Variants in SV2B observed in about 807,000 individuals in gnomAD.
The protein encoded by SV2B is synaptic vesicle glycoprotein 2B, also known as solute carrier family 22 member B2.
Under a neutral mutation model 73.9 loss-of-function variants are expected in SV2B, and 41 were observed. That is an observed-to-expected ratio of 0.56 (90% CI 0.43 to 0.72). The LOEUF (loss-of-function observed/expected upper bound fraction) is 0.72, where lower values mean the gene tolerates loss of function less well. Ranked by LOEUF, SV2B falls within the 30% of genes least tolerant of loss-of-function variation. SV2B has a pLI of 0.00. For missense variants in SV2B, 764 were observed against 857.8 expected (o/e 0.89, Z 1.37); for synonymous variants, 314 against 314.2 (o/e 1.00, Z 0.01).
intron 1 of SV2B, among the ~76,000 whole-genome samples, chr15:91,207,170 C>T (rs558292973): frequency 1.2e-4 from 18 of 150,828 alleles, no homozygotes; most frequent in South Asian, 4.2e-4. Context: ...TACAGGCACA[C>T]GCCATTATGC....
chr15:91,109,186 AGT>A (rs1426736232), intron 1 of SV2B, among the ~76,000 whole-genome samples: 1 of 152,236 alleles, frequency 6.6e-6, no homozygotes, highest in Non-Finnish European at 1.5e-5. Flanking sequence ...CCCTTGGAAA[AGT>A]GGATGCACAA....
chr15:91,186,048 T>C lies in SV2B; in HGVS notation c.-391-39825T>C, dbSNP rs1482348135. The stretch of plus-strand genomic sequence containing the variant: ...TTCATCACAACATACACGAGGATTC[T>C]TTATGGACTATTACACAATGGTATT... On this transcript the variant is annotated intron_variant, in intron 1 of 12. Transcript: ENST00000394232. Among the ~76,000 whole-genome samples the C allele has an allele frequency of 2.0e-5, 3 of 152,346 alleles. No homozygotes were observed. The East Asian group carries it at 5.8e-4, about 29-fold the overall frequency.
rs1423798733 is a variant in SV2B at position 91,258,927 on chromosome 15, A to G, written c.918+373A>G. Among the ~76,000 whole-genome samples, 1 of 148,928 alleles carries G rather than the reference A, an allele frequency of 6.7e-6. No homozygotes were observed. Among genetic ancestry groups the G allele is most frequent in the Non-Finnish European group, 1.5e-5 (1 of 67,480 alleles). ...CACAGGGAGACCTCATCTCTACAAA[A>G]AAAAAAAAAAAAAAATTAGTTGAGC... On this transcript the variant is annotated intron_variant, in intron 5 of 12. Coordinates refer to ENST00000394232, the MANE Select transcript of SV2B (RefSeq NM_001323032.3). This position sits in a 1 kb window ranked among gnomAD's most constrained non-coding sequence, Gnocchi z 4.7.
chr15:91,263,050 C>A (rs1274772112), intron 6 of SV2B, among the ~76,000 whole-genome samples: 2 of 152,104 alleles, frequency 1.3e-5, no homozygotes, highest in African/African-American at 2.4e-5. Context: ...CTACATCAAC[C>A]TGGCCTGAAA....
chr15:91,161,219 A>G (rs1005511842), intron 1 of SV2B, among the ~76,000 whole-genome samples: 2 of 152,202 alleles, frequency 1.3e-5, no homozygotes, highest in African/African-American at 4.8e-5. Context: ...AAACTGGTTT[A>G]TAGTGATGAT....
At chr15:91,163,463 G>C (rs1283708509) in intron 1 of SV2B, among the ~76,000 whole-genome samples, 2 of 152,158 alleles carry the variant, frequency 1.3e-5, no homozygotes, top group Admixed American at 1.3e-4. Context: ...ATTCTAACTG[G>C]TGTGAGATGG....
In SV2B at chr15:91,128,056, C is replaced by G. The variant is rs918959959; in HGVS notation, c.-392+27693C>G. On this transcript the variant is annotated intron_variant, in intron 1 of 12. Coordinates refer to ENST00000394232, the MANE Select transcript of SV2B (RefSeq NM_001323032.3). This position sits in a 1 kb window ranked among gnomAD's most constrained non-coding sequence, Gnocchi z 4.2. ...CACTGGAGAAAAAGAGAAAAATATA[C>G]CTGTGAAAGCTCTTATTATCATTGT... 6.6e-6 allele frequency among the ~76,000 whole-genome samples: 1 copy of G among 152,150 alleles called. No homozygotes were observed. Among genetic ancestry groups the G allele is most frequent in the Non-Finnish European group, 1.5e-5 (1 of 68,028 alleles).
At chr15:91,155,214 T>G (rs977894201) in intron 1 of SV2B, among the ~76,000 whole-genome samples, 2 of 151,982 alleles carry the variant, frequency 1.3e-5, no homozygotes, top group Admixed American at 6.6e-5. Flanking sequence ...AGGGCGTGGT[T>G]AAGGTAGGAG....
At position 91,175,718 on chromosome 15, in the gene SV2B, T is replaced by C. The variant is rs151136565; in HGVS notation, c.-391-50155T>C. On this transcript the variant is annotated intron_variant, in intron 1 of 12. Coordinates refer to ENST00000394232, the MANE Select transcript of SV2B (RefSeq NM_001323032.3). ...ATGTAAATACATATATATATATATA[T>C]ACATATATGTGACTATCTATTATAG... Among the ~76,000 whole-genome samples the C allele has an allele frequency of 3.6e-3, 522 of 145,012 alleles. 3 individuals carry two copies. The highest frequency in any genetic ancestry group is 0.012 in the African/African-American group (469 of 38,074).
At chr15:91,209,654 T>A (rs1458687222) in intron 1 of SV2B, among the ~76,000 whole-genome samples, 2 of 152,142 alleles carry the variant, frequency 1.3e-5, no homozygotes, top group Non-Finnish European at 1.5e-5. Context: ...GACAGCCAGG[T>A]AGAGACCTGG....
rs181151487 is a variant in SV2B, at chr15:91,262,528, C to T, written c.1008+2119C>T. On this transcript the variant is annotated intron_variant, in intron 6 of 12. Transcript: ENST00000394232. ...TTGTTATAGAGGTGAACGTGTGTCA[C>T]GGGGGTTTGTTGTACAGGTATTTTG... 7.2e-5 allele frequency among the ~76,000 whole-genome samples: 11 copies of T among 152,110 alleles called. 1 individual carries two copies. The highest frequency in any genetic ancestry group is 1.7e-4 in the African/African-American group (7 of 41,510).
At chr15:91,263,142 G>C (rs1004379797) in intron 6 of SV2B, among the ~76,000 whole-genome samples, 1 of 149,022 alleles carries the variant, frequency 6.7e-6, no homozygotes, top group Admixed American at 6.7e-5. Flanking sequence ...ACAGACACAG[G>C]GACACACGGA....
chr15:91,226,105 A>AG lies in SV2B; in HGVS notation c.-150dup, dbSNP rs530516419. 17,416 of 659,938 alleles carry AG rather than the reference A, an allele frequency of 0.026. 166 individuals carry two copies. The highest frequency in any genetic ancestry group is 0.028 in the Non-Finnish European group (11,196 of 399,706). 40.9% of individuals were successfully genotyped at this position (659,938 alleles called of 1,614,324 possible). ...CAAATCTGGTTGATTTGAGAGATAAAGGGGGGGGGAACCAGTGTGACTTTC... is the reference window on the plus strand; with the variant it reads ...CAAATCTGGTTGATTTGAGAGATAAAGGGGGGGGGGAACCAGTGTGACTTTC... On this transcript the variant is annotated 5_prime_UTR_variant, in exon 2 of 13. Coordinates refer to ENST00000394232, the MANE Select transcript of SV2B (RefSeq NM_001323032.3).
intron 1 of SV2B, among the ~76,000 whole-genome samples, chr15:91,196,560 G>A (rs2045252210): frequency 6.6e-6 from 1 of 152,334 alleles, no homozygotes; most frequent in African/African-American, 2.4e-5. Context: ...TGGAAAGAGT[G>A]GCTGAGCTGG....
rs1282558270 is a variant in SV2B at position 91,121,253 on chromosome 15, T to C, written c.-392+20890T>C. On this transcript the variant is annotated intron_variant, in intron 1 of 12. Coordinates refer to ENST00000394232, the MANE Select transcript of SV2B (RefSeq NM_001323032.3). This position sits in a 1 kb window ranked among gnomAD's most constrained non-coding sequence, Gnocchi z 4.4. Reference sequence around the variant, plus strand: ...CCTCAGGCGAGTTTTTATCTAGTGCTGTGGTTCTCAATCCTGGCTGTACTT... The same window carrying C: ...CCTCAGGCGAGTTTTTATCTAGTGCCGTGGTTCTCAATCCTGGCTGTACTT... 6.6e-6 allele frequency among the ~76,000 whole-genome samples: 1 copy of C among 152,218 alleles called. No homozygotes were observed. The highest frequency in any genetic ancestry group is 1.5e-5 in the Non-Finnish European group (1 of 68,032).
chr15:91,268,823 T>G lies in SV2B; in HGVS notation c.1373+218T>G, dbSNP rs2048198286. On this transcript the variant is annotated intron_variant, in intron 9 of 12. Transcript: ENST00000394232. This position sits in a 1 kb window ranked among gnomAD's most constrained non-coding sequence, Gnocchi z 4.4. ...GCTCCCCGACACCCTAATCTCCTGG[T>G]GAGAGCTATTTCATGTGAGGATGGA... Among the ~76,000 whole-genome samples, 1 of 152,018 alleles carries G rather than the reference T, an allele frequency of 6.6e-6. No homozygotes were observed. The highest frequency in any genetic ancestry group is 2.4e-5 in the African/African-American group (1 of 41,398).
intron 9 of SV2B, among the ~76,000 whole-genome samples, chr15:91,276,469 C>T (rs1172271365): frequency 6.6e-6 from 1 of 151,902 alleles, no homozygotes; most frequent in Non-Finnish European, 1.5e-5. Context: ...GATATTTTCC[C>T]ATAGCTCTTA....
rs2042958744 is a variant in SV2B at position 91,140,203 on chromosome 15, C to T, written c.-392+39840C>T. Among the ~76,000 whole-genome samples, 1 of 152,212 alleles carries T rather than the reference C, an allele frequency of 6.6e-6. No individual in the cohort carries two copies. The stretch of plus-strand genomic sequence containing the variant: ...CTATTAACAAACATTCCGTGAGTAT[C>T]ACAATGCTCATTATTTTTCTTCAAA... On this transcript the variant is annotated intron_variant, in intron 1 of 12. Transcript: ENST00000394232. The surrounding 1 kb of genome is among the most constrained non-coding windows in gnomAD (Gnocchi z 4.4).
In SV2B at chr15:91,120,827, G is replaced by GA. The variant is rs1304752105; in HGVS notation, c.-392+20467dup. On this transcript the variant is annotated intron_variant, in intron 1 of 12. Coordinates refer to ENST00000394232, the MANE Select transcript of SV2B (RefSeq NM_001323032.3). ...AACCTGTCTCAAAAAAAAAAAAAAAGAAAGAAAAAGTAAAAGAAACATTTC... is the reference window on the plus strand; with the variant it reads ...AACCTGTCTCAAAAAAAAAAAAAAAGAAAAGAAAAAGTAAAAGAAACATTTC... Among the ~76,000 whole-genome samples the GA allele has an allele frequency of 8.4e-5, 11 of 130,452 alleles. 1 individual carries two copies. In the South Asian group the frequency reaches 2.5e-3, roughly 29 times the overall value. 85.6% of individuals were successfully genotyped at this position (130,452 alleles called of 152,430 possible). A position where few individuals can be genotyped will look rare whatever the true frequency, so the allele number is the denominator to read the frequency against.
Sources: allele counts gnomAD v4.1 joint callset (sites outside exome capture counted in the v4.1 genomes callset), GRCh38; gene constraint gnomAD v4.1.1; non-coding constraint Gnocchi (gnomAD v3.1); transcripts MANE v1.5; gene names NCBI Gene and HGNC (gene_info 2026-07-23, HGNC 2026-07-21).